RBFOX1: variants seen among roughly 807,000 people sequenced by gnomAD.
RBFOX1 encodes the protein RNA binding protein fox-1 homolog 1.
RBFOX1 carries 8 observed loss-of-function variants against 57.7 expected under a neutral mutation model. The ratio of observed to expected loss-of-function variants is 0.14; its 90% CI spans 0.08 to 0.25. The LOEUF is 0.25. Among genes scored for constraint, RBFOX1 ranks in the 10% least tolerant of loss-of-function variants. The pLI is 1.00. For missense variants in RBFOX1, 611 were observed against 548.5 expected (o/e 1.11, Z -1.14); for synonymous variants, 326 against 222.4 (o/e 1.47, Z -4.15).
intron 2 of RBFOX1, among the ~76,000 whole-genome samples, chr16:6,647,715 G>A (rs1343397476): frequency 3.9e-5 from 6 of 152,136 alleles, no homozygotes; most frequent in African/African-American, 7.2e-5. Context: ...CTGATTCGAT[G>A]TATCTGGGAT....
intron 3 of RBFOX1, among the ~76,000 whole-genome samples, chr16:5,766,281 C>A (rs768297463): frequency 6.6e-6 from 1 of 152,134 alleles, no homozygotes; most frequent in Admixed American, 6.5e-5. Context: ...GAGGAGGTAT[C>A]ATGCACTTTA....
chr16:6,912,432 G>C (rs184082558), intron 3 of RBFOX1, among the ~76,000 whole-genome samples: 2 of 152,230 alleles, frequency 1.3e-5, no homozygotes, highest in African/African-American at 4.8e-5. Context: ...TCTGTTCTCT[G>C]TGAGTAAAGA....
chr16:6,661,543 G>C lies in RBFOX1; in HGVS notation c.-16+6893G>C, dbSNP rs539576583. Among the ~76,000 whole-genome samples, 9 of 152,294 alleles carry C rather than the reference G, an allele frequency of 5.9e-5. No individual in the cohort carries two copies. The East Asian group carries it at 1.7e-3, about 29-fold the overall frequency. ...CAAATCTTTACTGTATGGGGCCAGA[G>C]TTACACAGCACCAAGAAGGTACTTA... On this transcript the variant is annotated intron_variant, in intron 3 of 15. Coordinates refer to ENST00000550418, the MANE Select transcript of RBFOX1 (RefSeq NM_018723.4).
At chr16:5,412,438 A>C (rs2067046427) in intron 1 of RBFOX1, among the ~76,000 whole-genome samples, 1 of 152,208 alleles carries the variant, frequency 6.6e-6, no homozygotes. Flanking sequence ...TTGTAAGATA[A>C]TTTCTGGGCT....
At chr16:7,587,726 T>C (rs76646594) in intron 7 of RBFOX1, among the ~76,000 whole-genome samples, 2,278 of 152,342 alleles carry the variant, frequency 0.015, 63 homozygotes, top group African/African-American at 0.052. Context: ...ACCAACCTTT[T>C]GAATGTAATT....
rs1301766148 is a variant in RBFOX1 at position 5,980,947 on chromosome 16, G to T, written c.351+113612G>T. On this transcript the variant is annotated intron_variant, in intron 4 of 19. Transcript: ENST00000641259. ...GCCACAAGTAGGGTTTCCATTTCTG[G>T]AAGTGATGTGGAGTTTCAGAAGTCA... 2.6e-5 allele frequency among the ~76,000 whole-genome samples: 4 copies of T among 152,094 alleles called. No individual in the cohort carries two copies. In the East Asian group the frequency reaches 7.7e-4, roughly 29 times the overall value.
At chr16:5,889,178 A>T (rs28576674) in intron 4 of RBFOX1, among the ~76,000 whole-genome samples, 10,646 of 152,196 alleles carry the variant, frequency 0.07, 470 homozygotes, top group African/African-American at 0.11. Flanking sequence ...TGCACAGATC[A>T]ACTCATCACC....
At chr16:7,307,945 C>G (rs997575382) in intron 4 of RBFOX1, among the ~76,000 whole-genome samples, 2 of 152,220 alleles carry the variant, frequency 1.3e-5, no homozygotes, top group African/African-American at 4.8e-5. Context: ...GAACTTAGAA[C>G]TCACATATCC....
chr16:6,157,998 C>T (rs911589579), intron 1 of RBFOX1, among the ~76,000 whole-genome samples: 1 of 152,132 alleles, frequency 6.6e-6, no homozygotes, highest in Non-Finnish European at 1.5e-5. Flanking sequence ...ATTGGCTGAA[C>T]CTGGTCATGT....
intron 2 of RBFOX1, among the ~76,000 whole-genome samples, chr16:5,573,245 C>T (rs2046345367): frequency 6.6e-6 from 1 of 152,122 alleles, no homozygotes; most frequent in African/African-American, 2.4e-5. Context: ...GGAGTGTCCA[C>T]GTTTCATTGG....
intron 1 of RBFOX1, among the ~76,000 whole-genome samples, chr16:5,416,829 C>T (rs2067173698): frequency 6.6e-6 from 1 of 152,144 alleles, no homozygotes; most frequent in Non-Finnish European, 1.5e-5. Flanking sequence ...TTCTTATCTA[C>T]ATTCAGTAAG....
chr16:6,145,113 G>T (rs2096747799), intron 1 of RBFOX1, among the ~76,000 whole-genome samples: 1 of 151,916 alleles, frequency 6.6e-6, no homozygotes, highest in South Asian at 2.1e-4. Context: ...GGGGTTTGTT[G>T]TAAAGATAAT....
At chr16:7,034,029 C>G (rs917803995) in intron 3 of RBFOX1, among the ~76,000 whole-genome samples, 3 of 152,178 alleles carry the variant, frequency 2.0e-5, no homozygotes, top group African/African-American at 7.2e-5. Flanking sequence ...ACTTGGATTT[C>G]TCTCCATTGC....
chr16:6,289,341 C>G (rs1053403977), intron 1 of RBFOX1, among the ~76,000 whole-genome samples: 45 of 152,100 alleles, frequency 3.0e-4, no homozygotes, highest in African/African-American at 9.9e-4. Flanking sequence ...CTACCTGTGA[C>G]TGGTGATGCA....
At chr16:6,670,202 C>G (rs868642197) in intron 3 of RBFOX1, among the ~76,000 whole-genome samples, 3 of 152,008 alleles carry the variant, frequency 2.0e-5, no homozygotes, top group African/African-American at 7.3e-5. Context: ...TAGCTGGAAC[C>G]ACAGGAGTGC....
intron 1 of RBFOX1, among the ~76,000 whole-genome samples, chr16:5,401,764 T>TGTCGTCCTCCTCCTCTGCCGCTGTCAC (rs1555508909): frequency 7.7e-5 from 8 of 103,410 alleles, no homozygotes; most frequent in Non-Finnish European, 1.5e-4. Context: ...TCCCTGTCTC[T>TGTCGTCCTCCTCCTCTGCCGCTGTCAC]CTCCTCCTCC....
Position 6,767,947 on chromosome 16 carries a change from T to TAATAATAAG in RBFOX1, c.-16+113299_-16+113300insTAATAAGAA, listed in dbSNP as rs1410744665. Among the ~76,000 whole-genome samples the TAATAATAAG allele has an allele frequency of 8.7e-3, 880 of 100,950 alleles. 6 individuals carry two copies. Among genetic ancestry groups the TAATAATAAG allele is most frequent in the Middle Eastern group, 0.014 (3 of 220 alleles). 66.2% of individuals were successfully genotyped at this position (100,950 alleles called of 152,430 possible). A position where few individuals can be genotyped will look rare whatever the true frequency, so the allele number is the denominator to read the frequency against. Reference sequence around the variant, plus strand: ...ATAATAATAATAATAATAATAATAATAAGAAGAAGAAGAAGAAGAAGAAGA... The same window carrying TAATAATAAG: ...ATAATAATAATAATAATAATAATAATAATAATAAGAAGAAGAAGAAGAAGAAGAAGAAGA... On this transcript the variant is annotated intron_variant, in intron 3 of 15. Coordinates refer to ENST00000550418, the MANE Select transcript of RBFOX1 (RefSeq NM_018723.4).
intron 1 of RBFOX1, among the ~76,000 whole-genome samples, chr16:6,082,796 G>A (rs1241363097): frequency 6.6e-6 from 1 of 152,106 alleles, no homozygotes; most frequent in Non-Finnish European, 1.5e-5. Flanking sequence ...AGTTTGGCTT[G>A]TAACTAGCAG....
At chr16:6,922,970 G>A (rs75196827) in intron 3 of RBFOX1, among the ~76,000 whole-genome samples, 1 of 152,288 alleles carries the variant, frequency 6.6e-6, no homozygotes, top group East Asian at 1.9e-4. Context: ...ATCAGATGAT[G>A]TAAGGTGCCT....
Sources: gnomAD v4.1 joint callset for allele counts (sites outside exome capture counted in the v4.1 genomes callset) on GRCh38, gnomAD v4.1.1 for gene constraint, MANE v1.5 for transcripts, NCBI Gene and HGNC (gene_info 2026-07-23, HGNC 2026-07-21) for gene names.